SCGB1A1: variants seen among roughly 807,000 people sequenced by gnomAD.
SCGB1A1 encodes secretoglobin family 1A member 1.
SCGB1A1 carries 8 observed loss-of-function variants against 7.5 expected under a neutral mutation model. That is an observed-to-expected ratio of 1.07 (90% CI 0.63 to 1.92). The LOEUF is 1.92. Among genes scored for constraint, SCGB1A1 ranks in the 30% most tolerant of loss-of-function variants. SCGB1A1 has a pLI of 0.00. For synonymous variants in SCGB1A1, 44 were observed against 40.8 expected (o/e 1.08, Z -0.30); for missense variants, 121 against 112.7 (o/e 1.07, Z -0.33).
chr11:62,422,445 G>A (rs758824396), intron 2 of SCGB1A1, 37 bp downstream of exon 2: 2 of 1,558,352 alleles, frequency 1.3e-6, no homozygotes, highest in Non-Finnish European at 1.7e-6. Context: ...GGTTAGAAGT[G>A]GCTTCCCCAA....
rs1251677249 is a variant in SCGB1A1, at chr11:62,423,177, A to G, written c.*86A>G. 2 of 1,391,740 alleles carry G rather than the reference A, an allele frequency of 1.4e-6. No homozygotes were observed. The highest frequency in any genetic ancestry group is 2.0e-6 in the Non-Finnish European group (2 of 980,404). 86.2% of individuals were successfully genotyped at this position (1,391,740 alleles called of 1,614,324 possible). On this transcript the variant is annotated 3_prime_UTR_variant, in exon 3 of 3. Transcript: ENST00000278282. The stretch of plus-strand genomic sequence containing the variant: ...ACGCCCACCAGCCTTGCTCTCTTCA[A>G]TAAACCACAAGCATCTCACTTTTGT...
chr11:62,422,368 C>G lies in SCGB1A1; in HGVS notation c.203C>G (p.Thr68Ser), dbSNP rs1261583762. Residue 68 changes from threonine to serine, a missense_variant, in exon 2 of 3, where the codon ACC (threonine) becomes AGC (serine). Transcript: ENST00000278282. ...GCTCAGCTGAAGAAGCTGGTGGACACCCTCCCCCAAAAGCCCAGAGAAAGC... is the reference window on the plus strand; with the variant it reads ...GCTCAGCTGAAGAAGCTGGTGGACAGCCTCCCCCAAAAGCCCAGAGAAAGC... ...AGAQLKKLVD[T>S]LPQKPRESII... is the part of the protein sequence containing the mutation. 1 of 1,613,946 alleles carries G rather than the reference C, an allele frequency of 6.2e-7. No homozygotes were observed.
At chr11:62,419,228 G>A in intron 1 of SCGB1A1, 78 bp downstream of exon 1, 1 of 1,156,462 alleles carries the variant, frequency 8.6e-7, no homozygotes, top group Non-Finnish European at 1.1e-6. Flanking sequence ...AGAAGAAGGA[G>A]TGAGCTGCCC....
At chr11:62,422,953 C>T (rs1937838681) in intron 2 of SCGB1A1, 106 bp from the exon 3 acceptor site, 1 of 1,033,462 alleles carries the variant, frequency 9.7e-7, no homozygotes, top group Non-Finnish European at 1.5e-6. Flanking sequence ...GTTGACTGCA[C>T]CTCTCGGTTA....
intron 1 of SCGB1A1, among the ~76,000 whole-genome samples, chr11:62,421,110 A>G (rs1487740972): frequency 2.0e-5 from 3 of 152,120 alleles, no homozygotes; most frequent in African/African-American, 7.2e-5. Flanking sequence ...TAAGTTCTGG[A>G]GAGGGTCTGA....
chr11:62,420,104 T>C (rs527933134), intron 1 of SCGB1A1, among the ~76,000 whole-genome samples: 12 of 152,274 alleles, frequency 7.9e-5, no homozygotes, highest in African/African-American at 2.9e-4. Flanking sequence ...GAAAATGACA[T>C]CATTTTGGAC....
intron 1 of SCGB1A1, among the ~76,000 whole-genome samples, chr11:62,420,314 C>CTTTTT (rs535582329): frequency 7.7e-6 from 1 of 129,480 alleles, no homozygotes; most frequent in African/African-American, 3.0e-5. Flanking sequence ...TCTTTTCATT[C>CTTTTT]TTTTTTTTTT....
In SCGB1A1 at chr11:62,422,334, G is replaced by A. The variant is rs758840454; in HGVS notation, c.169G>A (p.Glu57Lys). ...TTTCAGCCCTGATCAAGACATGAGGGAGGCAGGGGCTCAGCTGAAGAAGCT... is the reference window on the plus strand; with the variant it reads ...TTTCAGCCCTGATCAAGACATGAGGAAGGCAGGGGCTCAGCTGAAGAAGCT... ...ELFSPDQDMR[E>K]AGAQLKKLVD... The change falls in exon 2 of 3, where the codon GAG (glutamate) becomes AAG (lysine). Residue 57 changes from glutamate (E) to lysine (K), a missense_variant. Physicochemically the swap from Glu to Lys is moderately conservative, Grantham distance 56 (BLOSUM62 1). Transcript: ENST00000278282. 3.7e-6 allele frequency: 6 copies of A among 1,614,014 alleles called. No homozygotes were observed.
intron 1 of SCGB1A1, 115 bp from the exon 2 acceptor site, chr11:62,422,106 G>C (rs1937809359): frequency 1.3e-6 from 1 of 756,748 alleles, no homozygotes; most frequent in African/African-American, 1.7e-5. Context: ...CGATGAAAAG[G>C]CTGCTATCTC....
chr11:62,421,276 G>A (rs757106726), intron 1 of SCGB1A1, among the ~76,000 whole-genome samples: 96 of 152,266 alleles, frequency 6.3e-4, no homozygotes, highest in Non-Finnish European at 1.2e-3. Flanking sequence ...CATGTTCCTG[G>A]TTGTAAGGAC....
chr11:62,419,474 C>T (rs1937724567), intron 1 of SCGB1A1, among the ~76,000 whole-genome samples: 1 of 152,154 alleles, frequency 6.6e-6, no homozygotes, highest in South Asian at 2.1e-4. Context: ...AATAATGAGG[C>T]CCTCATCCCA....
Position 62,420,314 on chromosome 11 carries a change from C to CTTT in SCGB1A1, c.55+1180_55+1182dup, listed in dbSNP as rs535582329. On this transcript the variant is annotated intron_variant, in intron 1 of 2. Transcript: ENST00000278282. ...CTTTCACATAATATCTCTTTTCATT[C>CTTT]TTTTTTTTTTTTTTTTTTGAGACAG... 5.7e-3 allele frequency among the ~76,000 whole-genome samples: 739 copies of CTTT among 129,452 alleles called. 25 individuals are homozygous for CTTT. Among genetic ancestry groups the CTTT allele is most frequent in the African/African-American group, 0.021 (709 of 33,638 alleles). 84.9% of individuals were successfully genotyped at this position (129,452 alleles called of 152,430 possible). A position where few individuals can be genotyped will look rare whatever the true frequency, so the allele number is the denominator to read the frequency against.
chr11:62,421,020 C>T lies in SCGB1A1; in HGVS notation c.56-1201C>T, dbSNP rs41479246. Among the ~76,000 whole-genome samples the T allele has an allele frequency of 5.4e-3, 822 of 151,704 alleles. 6 individuals are homozygous for T. Among genetic ancestry groups the T allele is most frequent in the South Asian group, 0.014 (65 of 4,764 alleles). On this transcript the variant is annotated intron_variant, in intron 1 of 2. Transcript: ENST00000278282. ...TAAAATGAAGTAGGGATATTGTTCC[C>T]ATTTTACAGATGAGAAAACTGAGCT...
chr11:62,420,198 A>C (rs1937747038), intron 1 of SCGB1A1, among the ~76,000 whole-genome samples: 1 of 152,142 alleles, frequency 6.6e-6, no homozygotes, highest in Non-Finnish European at 1.5e-5. Context: ...CAACATGTTA[A>C]GGGGTGGGTC....
In SCGB1A1 at chr11:62,423,103, T is replaced by TGAAGATCCCCAACTGCTCC. The variant is rs768879208; in HGVS notation, c.*13_*31dup. ...CACTGTGTAATTAGCATTTAGAAGC[T>TGAAGATCCCCAACTGCTCC]GAAGATCCCCAACTGCTCCAGCCTC... is the stretch of plus-strand genomic sequence containing the variant. On this transcript the variant is annotated 3_prime_UTR_variant, in exon 3 of 3. Transcript: ENST00000278282. 2 of 1,613,924 alleles carry TGAAGATCCCCAACTGCTCC rather than the reference T, an allele frequency of 1.2e-6. No individual in the cohort carries two copies. Among genetic ancestry groups the TGAAGATCCCCAACTGCTCC allele is most frequent in the Non-Finnish European group, 1.7e-6 (2 of 1,179,792 alleles).
intron 2 of SCGB1A1, among the ~76,000 whole-genome samples, chr11:62,422,677 C>T (rs1452161311): frequency 3.3e-5 from 5 of 149,326 alleles, no homozygotes; most frequent in African/African-American, 7.4e-5. Flanking sequence ...CAGGTTCAAG[C>T]GATTCTCCGG....
rs980546451 is a variant in SCGB1A1, at chr11:62,422,994, G to A, written c.244-65G>A. ...GAAGTTTCTGTGGCTCGTCATCTCT[G>A]CCTAACTATGCAATTCATTCACTGT... On this transcript the variant is annotated intron_variant, in intron 2 of 2. Coordinates refer to ENST00000278282, the MANE Select transcript of SCGB1A1 (RefSeq NM_003357.5). The A allele has an allele frequency of 3.4e-6, 5 of 1,476,282 alleles. No individual in the cohort carries two copies. The Admixed American group carries it at 8.4e-5, about 25-fold the overall frequency. The allele number at this position is 1,476,282 out of a possible 1,614,324, so 91.4% of individuals were successfully genotyped here.
At chr11:62,420,871 GTTGCAGTCAGCCGAGA>G (rs1468214224) in intron 1 of SCGB1A1, among the ~76,000 whole-genome samples, 17 of 151,766 alleles carry the variant, frequency 1.1e-4, no homozygotes, top group African/African-American at 4.1e-4. Flanking sequence ...GGAGGCAGAG[GTTGCAGTCAGCCGAGA>G]TGGCATCACT....
intron 1 of SCGB1A1, among the ~76,000 whole-genome samples, chr11:62,420,975 A>T (rs764847013): frequency 6.7e-4 from 101 of 151,128 alleles, no homozygotes; most frequent in Non-Finnish European, 6.7e-4. Flanking sequence ...AAATTAAATT[A>T]AAATTTAAAA....
Sources: gnomAD v4.1 joint callset for allele counts (sites outside exome capture counted in the v4.1 genomes callset) on GRCh38, gnomAD v4.1.1 for gene constraint, MANE v1.5 for transcripts, NCBI Gene and HGNC (gene_info 2026-07-23, HGNC 2026-07-21) for gene names.